VEPH1: variants seen among roughly 807,000 people sequenced by gnomAD.
VEPH1 encodes the protein ventricular zone expressed PH domain containing 1.
Under a neutral mutation model 85.2 loss-of-function variants are expected in VEPH1, and 80 were observed. The observed-to-expected ratio is 0.94, with a 90% CI of 0.78 to 1.13. The LOEUF (loss-of-function observed/expected upper bound fraction) is 1.13. Among genes scored for constraint, VEPH1 ranks in the 50% most tolerant of loss-of-function variants. The probability of loss-of-function intolerance (pLI) is 0.00; values close to 1 mark genes in which losing one functional copy is unlikely to be tolerated. For missense variants in VEPH1, 955 were observed against 980.5 expected (o/e 0.97, Z 0.35); for synonymous variants, 297 against 348.0 (o/e 0.85, Z 1.63).
At chr3:157,405,655 A>C (rs1347995273) in intron 6 of VEPH1, among the ~76,000 whole-genome samples, 1 of 152,090 alleles carries the variant, frequency 6.6e-6, no homozygotes, top group African/African-American at 2.4e-5. Flanking sequence ...TGACTTCCCC[A>C]TGGATACCTT....
intron 7 of VEPH1, among the ~76,000 whole-genome samples, chr3:157,378,638 T>C (rs970837840): frequency 1.3e-5 from 2 of 152,022 alleles, no homozygotes; most frequent in African/African-American, 4.8e-5. Flanking sequence ...TCAATCAAAC[T>C]CATTGTGTTG....
At chr3:157,331,200 C>T (rs1008064788) in intron 9 of VEPH1, among the ~76,000 whole-genome samples, 24 of 152,192 alleles carry the variant, frequency 1.6e-4, no homozygotes, top group African/African-American at 5.3e-4. Context: ...CTTTCCACCA[C>T]ATGAGTCCAG....
At chr3:157,492,236 AT>A (rs1424889339) in intron 2 of VEPH1, among the ~76,000 whole-genome samples, 5 of 152,198 alleles carry the variant, frequency 3.3e-5, no homozygotes, top group African/African-American at 9.6e-5. Flanking sequence ...CAATAAAAGT[AT>A]TTCTTATCCA....
chr3:157,485,588 G>GA (rs941465055), intron 2 of VEPH1, among the ~76,000 whole-genome samples: 10 of 151,496 alleles, frequency 6.6e-5, no homozygotes, highest in Non-Finnish European at 1.2e-4. Context: ...AAAATTTTCA[G>GA]AAAAAATATA....
At chr3:157,286,727 A>G (rs1397770628) in intron 11 of VEPH1, 53 bp from the exon 12 acceptor site, 3 of 1,427,472 alleles carry the variant, frequency 2.1e-6, no homozygotes, top group Non-Finnish European at 3.0e-6. Context: ...CCTGCTACCT[A>G]ACATTCTGAG....
chr3:157,333,338 G>A (rs1442917078), intron 9 of VEPH1, among the ~76,000 whole-genome samples: 4 of 152,018 alleles, frequency 2.6e-5, no homozygotes, highest in East Asian at 1.9e-4. Flanking sequence ...AAGTTCACTC[G>A]GAAGACCTCA....
At chr3:157,299,706 G>A (rs1361131072) in intron 11 of VEPH1, among the ~76,000 whole-genome samples, 2 of 151,982 alleles carry the variant, frequency 1.3e-5, no homozygotes, top group South Asian at 2.1e-4. Context: ...TTAATGGAAA[G>A]AGCCTGATCC....
intron 9 of VEPH1, among the ~76,000 whole-genome samples, chr3:157,328,006 C>T (rs1722111365): frequency 6.6e-6 from 1 of 152,128 alleles, no homozygotes; most frequent in Non-Finnish European, 1.5e-5. Flanking sequence ...GCGAGACTTT[C>T]CTATTTACCA....
intron 11 of VEPH1, among the ~76,000 whole-genome samples, chr3:157,312,574 T>C (rs1025276142): frequency 2.0e-5 from 3 of 152,224 alleles, no homozygotes; most frequent in Non-Finnish European, 4.4e-5. Flanking sequence ...CAGATTATTT[T>C]GTGATTTCTC....
chr3:157,293,344 G>A (rs1260150727), intron 11 of VEPH1, among the ~76,000 whole-genome samples: 1 of 152,166 alleles, frequency 6.6e-6, no homozygotes, highest in Non-Finnish European at 1.5e-5. Flanking sequence ...AAGGGAACTC[G>A]AGGTACACAT....
chr3:157,417,439 T>C (rs951288952), intron 5 of VEPH1, among the ~76,000 whole-genome samples: 1 of 152,168 alleles, frequency 6.6e-6, no homozygotes, highest in Non-Finnish European at 1.5e-5. Context: ...CAAGTCTCTG[T>C]CCCTTCTGTT....
chr3:157,402,905 GT>G (rs1730880188), intron 6 of VEPH1, among the ~76,000 whole-genome samples: 1 of 152,154 alleles, frequency 6.6e-6, no homozygotes, highest in East Asian at 1.9e-4. Flanking sequence ...TAGTGTGATA[GT>G]GTATTGTTGC....
chr3:157,286,747 A>C, intron 11 of VEPH1, 73 bp from the exon 12 acceptor site: 1 of 1,229,858 alleles, frequency 8.1e-7, no homozygotes, highest in South Asian at 1.2e-5. Context: ...GACTGGGAGA[A>C]GGGGATGTGG....
At position 157,503,105 on chromosome 3, in the gene VEPH1, G is replaced by A. The variant is rs117053138; in HGVS notation, c.-158+172C>T. ...AATAACCGAAATGCCTGCATACATG[G>A]CTAGACACACAGCTCCCAAATGTGC... On this transcript the variant is annotated intron_variant, in intron 1 of 13. Transcript: ENST00000362010. Among the ~76,000 whole-genome samples, 54 of 152,232 alleles carry A rather than the reference G, an allele frequency of 3.5e-4. No individual in the cohort carries two copies. The East Asian group carries it at 9.1e-3, about 26-fold the overall frequency.
chr3:157,324,684 G>C (rs1721708364), intron 9 of VEPH1, among the ~76,000 whole-genome samples: 1 of 150,774 alleles, frequency 6.6e-6, no homozygotes, highest in Non-Finnish European at 1.5e-5. Context: ...TTTTTTTATG[G>C]CCACATAGTG....
chr3:157,280,388 T>A (rs1481652249), intron 12 of VEPH1, among the ~76,000 whole-genome samples: 1 of 152,110 alleles, frequency 6.6e-6, no homozygotes, highest in Non-Finnish European at 1.5e-5. Context: ...GACTGATGCT[T>A]TGTTGCAAGT....
At chr3:157,292,889 A>C (rs1717675612) in intron 11 of VEPH1, among the ~76,000 whole-genome samples, 1 of 150,450 alleles carries the variant, frequency 6.6e-6, no homozygotes, top group East Asian at 1.9e-4. Context: ...AGGCTGAGGC[A>C]GGAGAATCGC....
intron 2 of VEPH1, among the ~76,000 whole-genome samples, chr3:157,474,247 A>G (rs533339255): frequency 6.6e-6 from 1 of 151,936 alleles, no homozygotes; most frequent in Admixed American, 6.6e-5. Flanking sequence ...TTCTTTATGA[A>G]TTTTATTGCT....
chr3:157,379,920 G>A (rs1192277950), intron 7 of VEPH1, among the ~76,000 whole-genome samples: 7 of 152,116 alleles, frequency 4.6e-5, no homozygotes, highest in African/African-American at 1.7e-4. Context: ...TGCCCTTCTT[G>A]CCTTGTAGAA....
Sources: allele counts gnomAD v4.1 joint callset (sites outside exome capture counted in the v4.1 genomes callset), GRCh38; gene constraint gnomAD v4.1.1; transcripts MANE v1.5; gene names NCBI Gene and HGNC (gene_info 2026-07-23, HGNC 2026-07-21).